FAM81A: variants seen among roughly 807,000 people sequenced by gnomAD.
The protein encoded by FAM81A is protein FAM81A.
FAM81A carries 19 observed loss-of-function variants against 46.7 expected under a neutral mutation model. The ratio of observed to expected loss-of-function variants is 0.41; its 90% confidence interval spans 0.28 to 0.60. FAM81A has a LOEUF of 0.60. Ranked by LOEUF, FAM81A falls within the 20% of genes least tolerant of loss-of-function variation. The pLI is 0.34. For synonymous variants in FAM81A, 183 were observed against 152.9 expected (o/e 1.20, Z -1.45); for missense variants, 377 against 453.5 (o/e 0.83, Z 1.53).
At chr15:59,462,096 G>A (rs978920345) in intron 3 of FAM81A, among the ~76,000 whole-genome samples, 6 of 151,962 alleles carry the variant, frequency 3.9e-5, no homozygotes, top group East Asian at 1.9e-4. Context: ...CCAGCTACTC[G>A]GGAGGTTGAG....
At chr15:59,442,143 A>C (rs1471565540) in intron 1 of FAM81A, among the ~76,000 whole-genome samples, 2 of 152,156 alleles carry the variant, frequency 1.3e-5, no homozygotes, top group African/African-American at 2.4e-5. Flanking sequence ...CTGTTTACCC[A>C]GGGCCCCCAG....
At chr15:59,411,182 G>T (rs1025105371) in intron 2 of FAM81A, among the ~76,000 whole-genome samples, 1 of 152,044 alleles carries the variant, frequency 6.6e-6, no homozygotes, top group African/African-American at 2.4e-5. Context: ...ATATCATAAC[G>T]CACAGATCAA....
At chr15:59,441,148 G>A (rs1205041988) in intron 1 of FAM81A, among the ~76,000 whole-genome samples, 5 of 152,002 alleles carry the variant, frequency 3.3e-5, no homozygotes, top group African/African-American at 1.2e-4. Flanking sequence ...TCATTCTCTG[G>A]ACTTGATTCC....
In FAM81A at chr15:59,516,734, T is replaced by G; in HGVS notation, c.876T>G (p.Asp292Glu). The G allele has an allele frequency of 1.2e-6, 2 of 1,613,660 alleles. No individual in the cohort carries two copies. The highest frequency in any genetic ancestry group is 2.2e-5 in the East Asian group (1 of 44,870). The change falls in exon 8 of 9, where the codon GAT (aspartate) becomes GAG (glutamate). Residue 292 changes from aspartate to glutamate, a missense_variant. Transcript: ENST00000288228. Reference protein sequence around the residue: ...KIEEGQKKTFDGQRTRQEEEK... With the variant: ...KIEEGQKKTFEGQRTRQEEEK... ...AAGAGGGTCAAAAGAAGACTTTTGA[T>G]GGTCAGAGAACAAGGCAAGAAGAGG... is the stretch of plus-strand genomic sequence containing the variant.
At chr15:59,414,138 G>C (rs943887519) in intron 2 of FAM81A, among the ~76,000 whole-genome samples, 3 of 152,132 alleles carry the variant, frequency 2.0e-5, no homozygotes, top group Admixed American at 6.5e-5. Flanking sequence ...ATTTTTAGTA[G>C]AGACAGGGTT....
Position 59,514,272 on chromosome 15 carries a change from CA to C in FAM81A, c.651-15del. The C allele has an allele frequency of 1.9e-6, 3 of 1,544,272 alleles. No homozygotes were observed. The highest frequency in any genetic ancestry group is 1.2e-5 in the South Asian group (1 of 81,068). ...AATAAACTGTTTTACATCTAACTTG[CA>C]ATTTTTTTTTTTTAGATTTAAAGGT... On this transcript the variant is annotated splice_polypyrimidine_tract_variant and intron_variant, in intron 6 of 8. Transcript: ENST00000288228.
intron 3 of FAM81A, among the ~76,000 whole-genome samples, chr15:59,489,507 A>G (rs563852519): frequency 3.3e-5 from 5 of 152,262 alleles, no homozygotes; most frequent in African/African-American, 9.6e-5. Flanking sequence ...ATTCAATGCA[A>G]TCCCTATCAA....
At chr15:59,438,327 C>G (rs1283889812) in intron 1 of FAM81A, 45 bp downstream of exon 1, 1 of 152,038 alleles carries the variant, frequency 6.6e-6, no homozygotes, top group African/African-American at 2.4e-5. Context: ...GCCTCTGGGG[C>G]TGGGCGGCGG....
intron 2 of FAM81A, among the ~76,000 whole-genome samples, chr15:59,431,710 T>G (rs762313579): frequency 5.9e-5 from 9 of 152,212 alleles, no homozygotes; most frequent in Non-Finnish European, 1.0e-4. Context: ...AAAGAGAGCT[T>G]AAATAACTTG....
At chr15:59,486,029 A>G (rs1038588294) in intron 3 of FAM81A, among the ~76,000 whole-genome samples, 1 of 152,150 alleles carries the variant, frequency 6.6e-6, no homozygotes, top group Non-Finnish European at 1.5e-5. Flanking sequence ...AAATACGGAA[A>G]TTAGCCAGGT....
chr15:59,447,717 A>G (rs540896204), intron 1 of FAM81A, among the ~76,000 whole-genome samples: 2 of 152,326 alleles, frequency 1.3e-5, no homozygotes, highest in East Asian at 3.9e-4. Context: ...TGATTTAGCC[A>G]GATAACAACT....
chr15:59,430,871 T>C (rs767865757), intron 2 of FAM81A, among the ~76,000 whole-genome samples: 1 of 152,208 alleles, frequency 6.6e-6, no homozygotes, highest in African/African-American at 2.4e-5. Context: ...TGGAATGAGT[T>C]AACCAGATTA....
At chr15:59,435,454 T>C (rs2081239160), upstream of FAM81A, among the ~76,000 whole-genome samples, 1 of 151,742 alleles carries the variant, frequency 6.6e-6, no homozygotes, top group Non-Finnish European at 1.5e-5. Context: ...ACCCCCTCTC[T>C]ACTAAAAATA....
chr15:59,475,112 C>T (rs2081748857), intron 3 of FAM81A, among the ~76,000 whole-genome samples: 1 of 151,956 alleles, frequency 6.6e-6, no homozygotes, highest in Non-Finnish European at 1.5e-5. Flanking sequence ...CTGAAGTCAT[C>T]AATTGTTTAG....
intron 4 of FAM81A, among the ~76,000 whole-genome samples, chr15:59,493,495 ACT>A (rs2082002657): frequency 6.6e-6 from 1 of 152,066 alleles, no homozygotes; most frequent in Admixed American, 6.6e-5. Flanking sequence ...GCAGTGATCA[ACT>A]TTTTTGTTAG....
intron 3 of FAM81A, among the ~76,000 whole-genome samples, chr15:59,468,000 A>T (rs2081636219): frequency 6.6e-6 from 1 of 151,934 alleles, no homozygotes; most frequent in South Asian, 2.1e-4. Flanking sequence ...TGTTTGTGTG[A>T]TGGATTATGA....
At chr15:59,516,598 G>C (rs1567079525) in intron 7 of FAM81A, 47 bp from the exon 8 acceptor site, 1 of 1,567,410 alleles carries the variant, frequency 6.4e-7, no homozygotes, top group Non-Finnish European at 8.6e-7. Flanking sequence ...ATGCAATGCA[G>C]ATTTCTTTTT....
intron 3 of FAM81A, 145 bp from the exon 4 acceptor site, chr15:59,492,126 T>C: frequency 1.6e-6 from 1 of 617,870 alleles, no homozygotes; most frequent in Admixed American, 2.7e-5. Flanking sequence ...GTTCTCTGTT[T>C]AAGTGTGCCT....
chr15:59,447,366 G>A (rs1191149824), intron 1 of FAM81A, among the ~76,000 whole-genome samples: 1 of 152,164 alleles, frequency 6.6e-6, no homozygotes, highest in Non-Finnish European at 1.5e-5. Context: ...TCCCCAGATC[G>A]GCCTCACAAC....
Sources: allele counts gnomAD v4.1 joint callset (sites outside exome capture counted in the v4.1 genomes callset), GRCh38; gene constraint gnomAD v4.1.1; transcripts MANE v1.5; gene names NCBI Gene and HGNC (gene_info 2026-07-23, HGNC 2026-07-21).